The following IQCB1 variants were observed in gnomAD, a reference collection of about 807,000 sequenced individuals.
IQCB1 encodes the protein IQ calmodulin-binding motif-containing protein 1.
A neutral mutation model predicts 84.4 loss-of-function variants in IQCB1; 56 were observed. The ratio of observed to expected loss-of-function variants is 0.66; its 90% CI spans 0.54 to 0.83. IQCB1 has a LOEUF of 0.83. Ranked by LOEUF, IQCB1 falls within the 40% of genes least tolerant of loss-of-function variation. IQCB1 has a pLI of 0.00. For synonymous variants in IQCB1, 210 were observed against 234.8 expected (o/e 0.89, Z 0.96); for missense variants, 629 against 682.1 (o/e 0.92, Z 0.87).
At chr3:121,828,445 C>G (rs762727103) in intron 4 of IQCB1, 25 bp downstream of exon 4, 13 of 1,597,212 alleles carry the variant, frequency 8.1e-6, no homozygotes, top group Middle Eastern at 1.7e-4. Flanking sequence ...CCCTCAAGAA[C>G]AGCTGACTTA....
At chr3:121,793,337 C>T (rs912150008) in intron 10 of IQCB1, among the ~76,000 whole-genome samples, 4 of 152,072 alleles carry the variant, frequency 2.6e-5, no homozygotes, top group Admixed American at 6.6e-5. Context: ...TTAGCAAGGG[C>T]GTGACTATAA....
chr3:121,815,073 G>A lies in IQCB1; in HGVS notation c.394-6064C>T, dbSNP rs551587408. On this transcript the variant is annotated intron_variant, in intron 5 of 14. Coordinates refer to ENST00000310864, the MANE Select transcript of IQCB1 (RefSeq NM_001023570.4). The stretch of plus-strand genomic sequence containing the variant: ...AAAACTTATCAACTATGATTAAGTC[G>A]GCTTCATCACTCAATGCAAGGATGG... Among the ~76,000 whole-genome samples, 49 of 152,196 alleles carry A rather than the reference G, an allele frequency of 3.2e-4. 1 individual carries two copies. Among genetic ancestry groups the A allele is most frequent in the African/African-American group, 1.1e-3 (46 of 41,518 alleles).
intron 11 of IQCB1, among the ~76,000 whole-genome samples, 182 bp downstream of exon 11, chr3:121,789,891 T>G (rs1948886562): frequency 6.6e-6 from 1 of 152,106 alleles, no homozygotes; most frequent in Non-Finnish European, 1.5e-5. Flanking sequence ...AACTAATAGG[T>G]CTGAATTGAA....
rs947856731 is a variant in IQCB1, at chr3:121,791,317, G to T, written c.987-1102C>A. Among the ~76,000 whole-genome samples the T allele has an allele frequency of 3.9e-5, 6 of 152,028 alleles. No individual in the cohort carries two copies. In the East Asian group the frequency reaches 9.6e-4, roughly 24 times the overall value. Reference sequence around the variant, plus strand: ...ATTATAGTATAGTTAGGATTATTATGATTTTTCAACTGAATTTTCAACTCA... The same window carrying T: ...ATTATAGTATAGTTAGGATTATTATTATTTTTCAACTGAATTTTCAACTCA... On this transcript the variant is annotated intron_variant, in intron 10 of 14. Coordinates refer to ENST00000310864, the MANE Select transcript of IQCB1 (RefSeq NM_001023570.4).
intron 13 of IQCB1, among the ~76,000 whole-genome samples, chr3:121,774,473 T>C (rs772231805): frequency 3.3e-5 from 5 of 152,204 alleles, no homozygotes; most frequent in Non-Finnish European, 7.3e-5. Flanking sequence ...ACACAGATAT[T>C]TGTACACACA....
rs1235052978 is a variant in IQCB1 at position 121,808,029 on chromosome 3, A to G, written c.488-586T>C. ...CTTCATCTGTAAAACTAGAAATAAT[A>G]GCTCTCACATGAGCTAATGTAAAAT... On this transcript the variant is annotated intron_variant, in intron 6 of 14. Coordinates refer to ENST00000310864, the MANE Select transcript of IQCB1 (RefSeq NM_001023570.4). 2.0e-5 allele frequency among the ~76,000 whole-genome samples: 3 copies of G among 152,134 alleles called. No individual in the cohort carries two copies. The South Asian group carries it at 6.2e-4, about 32-fold the overall frequency.
At chr3:121,778,549 A>T (rs1351535652) in intron 13 of IQCB1, among the ~76,000 whole-genome samples, 2 of 151,644 alleles carry the variant, frequency 1.3e-5, no homozygotes, top group Non-Finnish European at 2.9e-5. Context: ...TTTTTTAACA[A>T]TATTTTTTTG....
chr3:121,827,407 T>G (rs1950499142), intron 4 of IQCB1, among the ~76,000 whole-genome samples: 1 of 152,092 alleles, frequency 6.6e-6, no homozygotes, highest in Non-Finnish European at 1.5e-5. Context: ...GTTCCTAAAG[T>G]TAATTACTTA....
Position 121,835,046 on chromosome 3 carries a change from C to T in IQCB1, c.-182G>A, listed in dbSNP as rs1328377443. 5 of 572,764 alleles carry T rather than the reference C, an allele frequency of 8.7e-6. No homozygotes were observed. The highest frequency in any genetic ancestry group is 1.6e-5 in the Non-Finnish European group (5 of 319,286). The allele number at this position is 572,764 out of a possible 1,614,324, so 35.5% of individuals were successfully genotyped here. ...ACAGCGCCGCGGCCTTCCGGGGCAG[C>T]GTGCGTCGCGACGCGGGAAGGGGCC... On this transcript the variant is annotated 5_prime_UTR_variant, in exon 1 of 15. Transcript: ENST00000310864.
At position 121,781,918 on chromosome 3, in the gene IQCB1, C is replaced by G. The variant is rs535158012; in HGVS notation, c.1279-44G>C. 2.5e-6 allele frequency: 4 copies of G among 1,586,944 alleles called. No homozygotes were observed. The East Asian group carries it at 9.0e-5, about 36-fold the overall frequency. ...AAGGTTTGTGATTTTTCTCCCCTAA[C>G]TAATAGAACTATTTTCTCACTACAA... On this transcript the variant is annotated intron_variant, in intron 12 of 14. Transcript: ENST00000310864.
Position 121,797,484 on chromosome 3 carries a change from T to G in IQCB1, c.767-257A>C, listed in dbSNP as rs539355958. The stretch of plus-strand genomic sequence containing the variant: ...AAAAAAATCTGTCTAGACAATCTCT[T>G]TAATAAAAAAAAAAAAAAAGGAGTG... On this transcript the variant is annotated intron_variant, in intron 8 of 14. Coordinates refer to ENST00000310864, the MANE Select transcript of IQCB1 (RefSeq NM_001023570.4). Among the ~76,000 whole-genome samples the G allele has an allele frequency of 4.1e-4, 48 of 116,226 alleles. No individual in the cohort carries two copies. The East Asian group carries it at 9.2e-3, about 22-fold the overall frequency. The allele number at this position is 116,226 out of a possible 152,430, so 76.2% of individuals were successfully genotyped here. A position where few individuals can be genotyped will look rare whatever the true frequency, so the allele number is the denominator to read the frequency against.
chr3:121,781,663 A>ACACT (rs1553709034), intron 13 of IQCB1, 80 bp downstream of exon 13: 1 of 1,046,428 alleles, frequency 9.6e-7, no homozygotes. Flanking sequence ...ACACACACAC[A>ACACT]ATATATGTGT....
At position 121,772,620 on chromosome 3, in the gene IQCB1, G is replaced by A. The variant is rs1280238814; in HGVS notation, c.1504C>T (p.Arg502Ter). 9 of 1,614,160 alleles carry A rather than the reference G, an allele frequency of 5.6e-6. No homozygotes were observed. The highest frequency in any genetic ancestry group is 2.2e-5 in the East Asian group (1 of 44,884). Residue 502 changes from arginine (R) to a stop codon, truncating the protein, a stop_gained, in exon 14 of 15, where the codon CGA (arginine) becomes TGA (stop). Coordinates refer to ENST00000310864, the MANE Select transcript of IQCB1 (RefSeq NM_001023570.4). LOFTEE classifies it high-confidence loss of function. Reference protein sequence around the residue: ...HYFMGRALEERAQQHREALIA... With the variant: ...HYFMGRALEE ...AGAGCTTCTCTGTGCTGCTGGGCTC[G>A]CTCTTCTAGGGCCCTGCCCATAAAG...
At chr3:121,816,480 G>A (rs1950062447) in intron 5 of IQCB1, among the ~76,000 whole-genome samples, 1 of 152,038 alleles carries the variant, frequency 6.6e-6, no homozygotes, top group South Asian at 2.1e-4. Flanking sequence ...AGAGTGAACA[G>A]GCAACCTACA....
chr3:121,824,075 G>A (rs991687171), intron 5 of IQCB1, among the ~76,000 whole-genome samples: 4 of 152,202 alleles, frequency 2.6e-5, no homozygotes, highest in Non-Finnish European at 2.9e-5. Context: ...CTGACAATAC[G>A]CTATTTAAAA....
intron 7 of IQCB1, among the ~76,000 whole-genome samples, chr3:121,801,799 T>G (rs1358328713): frequency 1.4e-5 from 2 of 145,086 alleles, no homozygotes; most frequent in Non-Finnish European, 3.0e-5. Flanking sequence ...ATTACTACTT[T>G]GCTGCAAGGC....
In IQCB1 at chr3:121,809,003, C is replaced by T. The variant is rs761825135; in HGVS notation, c.400G>A (p.Glu134Lys). 1.3e-6 allele frequency: 2 copies of T among 1,593,042 alleles called. No individual in the cohort carries two copies. Among genetic ancestry groups the T allele is most frequent in the Middle Eastern group, 1.7e-4 (1 of 6,036 alleles). ...TCFINAAKAE[E>K]KDELLHFFQI... Reference sequence around the variant, plus strand: ...AAAAAGTGTAGTAATTCATCTTTTTCTTCAGCCTTAACATAAAAGATAAGC... The same window carrying T: ...AAAAAGTGTAGTAATTCATCTTTTTTTTCAGCCTTAACATAAAAGATAAGC... Residue 134 changes from glutamate (E) to lysine (K), a missense_variant, in exon 6 of 15, where the codon GAA becomes AAA. By Grantham distance (56) the Glu-to-Lys change is moderately conservative. Transcript: ENST00000310864.
At chr3:121,822,165 T>A (rs1950296698) in intron 5 of IQCB1, among the ~76,000 whole-genome samples, 1 of 152,236 alleles carries the variant, frequency 6.6e-6, no homozygotes, top group African/African-American at 2.4e-5. Flanking sequence ...AAACTCAGAC[T>A]ATACCATCAG....
At chr3:121,811,617 C>G (rs1338251087) in intron 5 of IQCB1, among the ~76,000 whole-genome samples, 1 of 152,120 alleles carries the variant, frequency 6.6e-6, no homozygotes, top group Non-Finnish European at 1.5e-5. Context: ...AGGCTTGAGT[C>G]GGCAGTTTTC....
Sources: gnomAD v4.1 joint callset for allele counts (sites outside exome capture counted in the v4.1 genomes callset) on GRCh38, gnomAD v4.1.1 for gene constraint, MANE v1.5 for transcripts, NCBI Gene and HGNC (gene_info 2026-07-23, HGNC 2026-07-21) for gene names.